TNIK: variants seen among roughly 807,000 people sequenced by gnomAD.
The protein encoded by TNIK is TRAF2 and NCK interacting kinase.
In TNIK, 49 loss-of-function variants were observed where a neutral mutation model predicts 191.3. The observed-to-expected ratio is 0.26, with a 90% CI of 0.20 to 0.32. The LOEUF is 0.32. TNIK is among the 10% of genes least tolerant of loss of function. The pLI is 1.00. For synonymous variants in TNIK, 594 were observed against 600.9 expected, an observed-to-expected ratio of 0.99 and a Z score of 0.17; for missense variants, 1,155 against 1,702.3, an observed-to-expected ratio of 0.68 and a Z score of 5.66.
chr3:171,300,684 T>C (rs894047374), intron 2 of TNIK, among the ~76,000 whole-genome samples: 3 of 152,216 alleles, frequency 2.0e-5, no homozygotes, highest in Admixed American at 1.3e-4. Flanking sequence ...GCAGATACTG[T>C]TAGACCTCAT....
chr3:171,392,318 T>C (rs1370609610), intron 1 of TNIK, among the ~76,000 whole-genome samples: 2 of 152,164 alleles, frequency 1.3e-5, no homozygotes, highest in Non-Finnish European at 2.9e-5. Flanking sequence ...AAATTTAATC[T>C]GGTCACAATG....
intron 1 of TNIK, among the ~76,000 whole-genome samples, chr3:171,446,369 T>TA (rs1041675804): frequency 1.3e-5 from 2 of 151,954 alleles, no homozygotes. Flanking sequence ...CAGGCAGCTT[T>TA]AAAAAAAATA....
At chr3:171,118,725 T>C (rs1727160093) in intron 18 of TNIK, among the ~76,000 whole-genome samples, 1 of 152,188 alleles carries the variant, frequency 6.6e-6, no homozygotes, top group African/African-American at 2.4e-5. Context: ...CTGGGAAAAC[T>C]GGCTAGCCAT....
intron 18 of TNIK, among the ~76,000 whole-genome samples, chr3:171,119,819 G>T (rs1727377872): frequency 6.6e-6 from 1 of 151,984 alleles, no homozygotes; most frequent in Non-Finnish European, 1.5e-5. Flanking sequence ...GAGGGAGGAG[G>T]GATAGCATTA....
intron 5 of TNIK, among the ~76,000 whole-genome samples, chr3:171,191,362 C>T (rs949830188): frequency 4.6e-5 from 7 of 152,142 alleles, no homozygotes; most frequent in Non-Finnish European, 7.4e-5. Context: ...ACTGCCTCAG[C>T]CTCCAGAGTA....
At chr3:171,286,128 T>C (rs937177088) in intron 2 of TNIK, among the ~76,000 whole-genome samples, 3 of 152,148 alleles carry the variant, frequency 2.0e-5, no homozygotes, top group African/African-American at 7.2e-5. Context: ...TGATGAGCCA[T>C]TGAAGGAGAA....
intron 1 of TNIK, among the ~76,000 whole-genome samples, chr3:171,391,555 T>C (rs866347329): frequency 6.6e-6 from 1 of 152,228 alleles, no homozygotes; most frequent in African/African-American, 2.4e-5. Flanking sequence ...TTTCCCCATA[T>C]ACTTATCTTC....
rs542094155 is a variant in TNIK, at chr3:171,193,800, T to C, written c.417+725A>G. Among the ~76,000 whole-genome samples the C allele has an allele frequency of 2.6e-5, 4 of 152,334 alleles. No homozygotes were observed. In the South Asian group the frequency reaches 8.3e-4, roughly 32 times the overall value. On this transcript the variant is annotated intron_variant, in intron 5 of 32. Transcript: ENST00000436636. ...ATAAGAATGCTCAGTAGACATATAATAACCTCCATATTAGTAGGAAGGGAT... is the reference window on the plus strand; with the variant it reads ...ATAAGAATGCTCAGTAGACATATAACAACCTCCATATTAGTAGGAAGGGAT...
intron 2 of TNIK, among the ~76,000 whole-genome samples, chr3:171,230,215 A>G (rs1437414110): frequency 6.6e-6 from 1 of 152,252 alleles, no homozygotes; most frequent in Non-Finnish European, 1.5e-5. Context: ...TGCACAAGGA[A>G]GAAGTAGCAA....
intron 7 of TNIK, among the ~76,000 whole-genome samples, chr3:171,177,639 C>G (rs1274402673): frequency 6.6e-6 from 1 of 152,172 alleles, no homozygotes; most frequent in Non-Finnish European, 1.5e-5. Flanking sequence ...GTTACTGAAA[C>G]TTATCTGTGG....
At chr3:171,350,484 GTTAA>G (rs1712969340) in intron 2 of TNIK, among the ~76,000 whole-genome samples, 1 of 149,426 alleles carries the variant, frequency 6.7e-6, no homozygotes, top group Admixed American at 6.8e-5. Context: ...AATATTTTCT[GTTAA>G]TTCTTCTCCC....
intron 1 of TNIK, among the ~76,000 whole-genome samples, chr3:171,415,255 T>G (rs1357886958): frequency 6.6e-6 from 1 of 152,190 alleles, no homozygotes; most frequent in East Asian, 1.9e-4. Context: ...CTGCAACCAC[T>G]TTCCCTACTG....
chr3:171,417,175 A>C (rs1723192427), intron 1 of TNIK, among the ~76,000 whole-genome samples: 1 of 152,366 alleles, frequency 6.6e-6, no homozygotes, highest in East Asian at 1.9e-4. Context: ...TTTAACAATA[A>C]AACTACTCTT....
intron 1 of TNIK, among the ~76,000 whole-genome samples, chr3:171,456,297 A>C (rs995804210): frequency 6.6e-6 from 1 of 152,236 alleles, no homozygotes; most frequent in Admixed American, 6.5e-5. Context: ...ACTGGTGGCA[A>C]CTTTCATCTC....
At chr3:171,065,148 G>T (rs1355229894) in intron 32 of TNIK, among the ~76,000 whole-genome samples, 1 of 152,200 alleles carries the variant, frequency 6.6e-6, no homozygotes, top group African/African-American at 2.4e-5. Context: ...ATCGGAATGT[G>T]GGTATCCATA....
chr3:171,216,723 C>T (rs751854972), intron 3 of TNIK, among the ~76,000 whole-genome samples: 3 of 152,066 alleles, frequency 2.0e-5, no homozygotes, highest in Non-Finnish European at 4.4e-5. Context: ...CTAAAATTAT[C>T]TCAGGGTCAA....
In TNIK at chr3:171,342,214, C is replaced by T. The variant is rs376757836; in HGVS notation, c.123+27406G>A. ...TTTGTTACCCACAAACAGCTGGGTC[C>T]CAATCCCACAGTCTCCAATTCTTCA... On this transcript the variant is annotated intron_variant, in intron 2 of 32. Coordinates refer to ENST00000436636, the MANE Select transcript of TNIK (RefSeq NM_015028.4). 7.4e-4 allele frequency among the ~76,000 whole-genome samples: 113 copies of T among 152,276 alleles called. 3 individuals are homozygous for T. In the South Asian group the frequency reaches 0.023, roughly 30 times the overall value.
intron 2 of TNIK, among the ~76,000 whole-genome samples, chr3:171,340,608 A>G (rs1193652576): frequency 6.6e-6 from 1 of 151,952 alleles, no homozygotes; most frequent in Non-Finnish European, 1.5e-5. Flanking sequence ...CGTGGACTTT[A>G]CTCCTTTCTC....
At chr3:171,201,815 T>C (rs978995605) in intron 4 of TNIK, among the ~76,000 whole-genome samples, 1 of 152,192 alleles carries the variant, frequency 6.6e-6, no homozygotes, top group Non-Finnish European at 1.5e-5. Context: ...TATCTATCTA[T>C]ATATAAACTC....
Sources: gnomAD v4.1 joint callset for allele counts (sites outside exome capture counted in the v4.1 genomes callset) on GRCh38, gnomAD v4.1.1 for gene constraint, MANE v1.5 for transcripts, NCBI Gene and HGNC (gene_info 2026-07-23, HGNC 2026-07-21) for gene names.